The following GABRB2 variants were observed in gnomAD, a reference collection of about 807,000 sequenced individuals.
GABRB2 encodes gamma-aminobutyric acid receptor subunit beta-2.
In GABRB2, 16 loss-of-function variants were observed where a neutral mutation model predicts 54.7. The ratio of observed to expected loss-of-function variants is 0.29; its 90% CI spans 0.20 to 0.44. The LOEUF is 0.44. GABRB2 is among the 20% of genes least tolerant of loss of function. The probability of loss-of-function intolerance (pLI) is 1.00; values close to 1 mark genes in which losing one functional copy is unlikely to be tolerated. For synonymous variants in GABRB2, 244 were observed against 233.8 expected, an observed-to-expected ratio of 1.04 and a Z score of -0.40; for missense variants, 355 against 644.0, an observed-to-expected ratio of 0.55 and a Z score of 4.86.
intron 3 of GABRB2, among the ~76,000 whole-genome samples, chr5:161,460,988 G>A (rs1348022598): frequency 6.6e-6 from 1 of 152,096 alleles, no homozygotes; most frequent in African/African-American, 2.4e-5. Context: ...TAAATAGACA[G>A]GCTTGACATG....
intron 3 of GABRB2, among the ~76,000 whole-genome samples, chr5:161,509,585 G>A (rs142647217): frequency 2.6e-5 from 4 of 151,968 alleles, no homozygotes; most frequent in East Asian, 1.9e-4. Context: ...GCACTCTATC[G>A]TATCATTTAT....
chr5:161,366,499 T>A (rs923545842), intron 5 of GABRB2, among the ~76,000 whole-genome samples: 2 of 152,090 alleles, frequency 1.3e-5, no homozygotes, highest in African/African-American at 4.8e-5. Flanking sequence ...TAACTAAAAA[T>A]TTTTTTTCTA....
intron 4 of GABRB2, among the ~76,000 whole-genome samples, chr5:161,440,567 G>T (rs540187296): frequency 2.0e-5 from 3 of 152,180 alleles, no homozygotes; most frequent in South Asian, 4.1e-4. Context: ...CCCAACATTG[G>T]AGCACCCAGA....
chr5:161,429,963 A>C (rs1017481478), intron 4 of GABRB2, among the ~76,000 whole-genome samples: 1 of 152,220 alleles, frequency 6.6e-6, no homozygotes, highest in Non-Finnish European at 1.5e-5. Flanking sequence ...GATTTTTAAA[A>C]AGATAATTAG....
intron 5 of GABRB2, among the ~76,000 whole-genome samples, chr5:161,383,626 G>A (rs1163148132): frequency 6.6e-6 from 1 of 152,108 alleles, no homozygotes; most frequent in East Asian, 1.9e-4. Context: ...CATGTGGTGA[G>A]TGACTACCAT....
intron 5 of GABRB2, among the ~76,000 whole-genome samples, chr5:161,406,639 G>A (rs1756355793): frequency 1.3e-5 from 2 of 151,988 alleles, no homozygotes; most frequent in Admixed American, 1.3e-4. Context: ...ACAATCTCCT[G>A]TGTTAGGTAT....
intron 3 of GABRB2, among the ~76,000 whole-genome samples, chr5:161,515,533 T>G (rs1021516482): frequency 6.6e-6 from 1 of 152,162 alleles, no homozygotes; most frequent in South Asian, 2.1e-4. Context: ...TAAGGTCTGG[T>G]ATGCTTCACA....
intron 5 of GABRB2, among the ~76,000 whole-genome samples, chr5:161,356,854 C>G (rs566339848): frequency 6.6e-6 from 1 of 152,284 alleles, no homozygotes; most frequent in South Asian, 2.1e-4. Context: ...TTTCCCAAAT[C>G]TTGGGCATCC....
Position 161,410,776 on chromosome 5 carries a change from G to A in GABRB2, c.541+199C>T, listed in dbSNP as rs538432882. Among the ~76,000 whole-genome samples the A allele has an allele frequency of 2.2e-3, 337 of 152,282 alleles. 2 individuals are homozygous for A. The highest frequency in any genetic ancestry group is 7.7e-3 in the African/African-American group (322 of 41,568). The stretch of plus-strand genomic sequence containing the variant: ...CTTCCCTAAATATCTCTCGCGAAGA[G>A]TTAGAGAGTTAGAGATGAGACTAAG... On this transcript the variant is annotated intron_variant, in intron 5 of 9. Transcript: ENST00000393959.
chr5:161,415,770 A>C (rs1397621407), intron 4 of GABRB2, among the ~76,000 whole-genome samples: 2 of 151,580 alleles, frequency 1.3e-5, no homozygotes, highest in African/African-American at 4.9e-5. Context: ...CTGCCACCAC[A>C]CCCAGCTAAT....
chr5:161,539,769 C>A (rs1252361898), intron 3 of GABRB2, among the ~76,000 whole-genome samples: 2 of 152,120 alleles, frequency 1.3e-5, no homozygotes, highest in East Asian at 3.9e-4. Flanking sequence ...AAGTGAATAT[C>A]CCAATAAAGC....
At chr5:161,362,526 A>T (rs762785138) in intron 5 of GABRB2, among the ~76,000 whole-genome samples, 6 of 152,206 alleles carry the variant, frequency 3.9e-5, no homozygotes, top group Non-Finnish European at 7.3e-5. Context: ...AAAATTGGCA[A>T]ATGGGATCTA....
intron 5 of GABRB2, among the ~76,000 whole-genome samples, chr5:161,402,440 G>C (rs1354158941): frequency 6.6e-6 from 1 of 151,986 alleles, no homozygotes; most frequent in Non-Finnish European, 1.5e-5. Flanking sequence ...CAGTCTCACA[G>C]GAATAACTCT....
At chr5:161,363,121 A>T (rs954034599) in intron 5 of GABRB2, among the ~76,000 whole-genome samples, 1 of 152,220 alleles carries the variant, frequency 6.6e-6, no homozygotes, top group Non-Finnish European at 1.5e-5. Context: ...AAGACTTGGA[A>T]CCAACCCAAA....
chr5:161,483,503 C>T lies in GABRB2; in HGVS notation c.238-23659G>A, dbSNP rs115095988. Among the ~76,000 whole-genome samples, 173 of 152,026 alleles carry T rather than the reference C, an allele frequency of 1.1e-3. 1 individual carries two copies. Among genetic ancestry groups the T allele is most frequent in the African/African-American group, 3.0e-3 (126 of 41,522 alleles). On this transcript the variant is annotated intron_variant, in intron 3 of 9. Coordinates refer to ENST00000393959, the MANE Select transcript of GABRB2 (RefSeq NM_001371727.1). Reference sequence around the variant, plus strand: ...GTAGATGAAATATTCCATAAGACTCCTGGCCTGACCTCTTTATTGAAACAG... The same window carrying T: ...GTAGATGAAATATTCCATAAGACTCTTGGCCTGACCTCTTTATTGAAACAG...
chr5:161,312,548 C>G (rs927317897), intron 9 of GABRB2, among the ~76,000 whole-genome samples: 1 of 152,112 alleles, frequency 6.6e-6, no homozygotes, highest in African/African-American at 2.4e-5. Flanking sequence ...ACAAAAAATA[C>G]CTGGATTCAA....
chr5:161,460,840 C>T (rs920204167), intron 3 of GABRB2, among the ~76,000 whole-genome samples: 2 of 151,938 alleles, frequency 1.3e-5, no homozygotes, highest in African/African-American at 4.8e-5. Context: ...AATCAAGGTG[C>T]GAAATATCTA....
At chr5:161,377,820 C>A (rs1755353535) in intron 5 of GABRB2, among the ~76,000 whole-genome samples, 1 of 151,964 alleles carries the variant, frequency 6.6e-6, no homozygotes, top group African/African-American at 2.4e-5. Flanking sequence ...GTACGTGAAT[C>A]TAATTTCCTA....
chr5:161,485,137 A>T (rs989370650), intron 3 of GABRB2, among the ~76,000 whole-genome samples: 1 of 151,636 alleles, frequency 6.6e-6, no homozygotes, highest in African/African-American at 2.4e-5. Flanking sequence ...TTCTATAGGA[A>T]GCCCTGTCTA....
Sources: allele counts gnomAD v4.1 joint callset (sites outside exome capture counted in the v4.1 genomes callset), GRCh38; gene constraint gnomAD v4.1.1; transcripts MANE v1.5; gene names NCBI Gene and HGNC (gene_info 2026-07-23, HGNC 2026-07-21).